NHSL3: variants seen among roughly 807,000 people sequenced by gnomAD.
The protein encoded by NHSL3 is NHS-like protein 3.
chr1:32,771,525 G>T, the NHSL3 span: 4 of 1,598,946 alleles, frequency 2.5e-6, no homozygotes, highest in Non-Finnish European at 3.4e-6. Flanking sequence ...AGCAGGACCT[G>T]TCCATGGCTG....
the NHSL3 span, chr1:32,771,220 A>G: frequency 1.1e-5 from 17 of 1,610,700 alleles, 1 homozygote; most frequent in South Asian, 1.9e-4. Flanking sequence ...CAGGAGCCCT[A>G]ACCCAGCTGC....
the NHSL3 span, among the ~76,000 whole-genome samples, chr1:32,753,209 G>T: frequency 6.6e-6 from 1 of 152,024 alleles, no homozygotes; most frequent in African/African-American, 2.4e-5. Flanking sequence ...AACAGGCCGG[G>T]TGGTGTGGCT....
At chr1:32,769,473 T>C in the NHSL3 span, among the ~76,000 whole-genome samples, 1 of 152,172 alleles carries the variant, frequency 6.6e-6, no homozygotes, top group Non-Finnish European at 1.5e-5. Flanking sequence ...AAGCTATCAC[T>C]AAAGGGAAAT....
chr1:32,755,396 C>T, the NHSL3 span, among the ~76,000 whole-genome samples: 11 of 152,268 alleles, frequency 7.2e-5, no homozygotes, highest in Non-Finnish European at 1.3e-4. Context: ...CTAGAGATTC[C>T]GAACCGGAGC....
chr1:32,771,408 C>A, the NHSL3 span: 1 of 1,588,592 alleles, frequency 6.3e-7, no homozygotes, highest in Non-Finnish European at 8.6e-7. Context: ...CCCCACCACC[C>A]ACTAAGAAGC....
the NHSL3 span, among the ~76,000 whole-genome samples, chr1:32,745,609 C>G: frequency 6.6e-6 from 1 of 151,146 alleles, no homozygotes; most frequent in African/African-American, 2.4e-5. Context: ...GTCTGCCCCT[C>G]TCAAGCTACA....
At chr1:32,767,891 C>T in the NHSL3 span, 2 of 1,614,054 alleles carry the variant, frequency 1.2e-6, no homozygotes, top group Non-Finnish European at 1.7e-6. Context: ...TCCCAGTGGG[C>T]GACCCCCCCA....
At chr1:32,756,632 G>A in the NHSL3 span, among the ~76,000 whole-genome samples, 2 of 139,184 alleles carry the variant, frequency 1.4e-5, no homozygotes, top group African/African-American at 5.4e-5. Context: ...ACTCCAGTCT[G>A]GGTGACAGAG....
At chr1:32,768,712 G>A in the NHSL3 span, 314 of 1,614,152 alleles carry the variant, frequency 1.9e-4, 7 homozygotes, top group South Asian at 3.1e-3. Context: ...CACATCCTAC[G>A]TGGCTGAGAG....
the NHSL3 span, among the ~76,000 whole-genome samples, chr1:32,764,639 T>A: frequency 6.6e-6 from 1 of 152,090 alleles, no homozygotes; most frequent in African/African-American, 2.4e-5. Flanking sequence ...AGCTAATTTT[T>A]AATTTTAATT....
the NHSL3 span, among the ~76,000 whole-genome samples, chr1:32,742,952 G>A: frequency 1.3e-5 from 2 of 152,234 alleles, no homozygotes; most frequent in Non-Finnish European, 2.9e-5. Context: ...AAATTCAACA[G>A]CTAATTCTCA....
chr1:32,763,504 TACCTGCCCTG>T, the NHSL3 span, among the ~76,000 whole-genome samples: 1 of 152,324 alleles, frequency 6.6e-6, no homozygotes, highest in African/African-American at 2.4e-5. Flanking sequence ...CTTCCCCAGG[TACCTGCCCTG>T]ACTGGCTCCT....
At chr1:32,768,620 A>G in the NHSL3 span, 6 of 1,611,002 alleles carry the variant, frequency 3.7e-6, no homozygotes, top group South Asian at 5.5e-5. Flanking sequence ...TTGAGGAGAC[A>G]GCCCCACCCA....
At chr1:32,747,886 A>T in the NHSL3 span, among the ~76,000 whole-genome samples, 205 of 152,240 alleles carry the variant, frequency 1.3e-3, no homozygotes, top group African/African-American at 4.6e-3. Flanking sequence ...GCGGGAGGGG[A>T]TCACCTGAGG....
chr1:32,760,617 G>A, the NHSL3 span, among the ~76,000 whole-genome samples: 1 of 149,350 alleles, frequency 6.7e-6, no homozygotes, highest in African/African-American at 2.5e-5. Flanking sequence ...TTGAGACCGA[G>A]TGTCACTCTG....
chr1:32,767,995 C>T, the NHSL3 span: 2 of 1,612,192 alleles, frequency 1.2e-6, no homozygotes, highest in Non-Finnish European at 1.7e-6. Flanking sequence ...TCTCCTCCCT[C>T]CAGTGCTGCA....
the NHSL3 span, chr1:32,767,953 C>T: frequency 1.2e-6 from 2 of 1,613,304 alleles, no homozygotes; most frequent in Non-Finnish European, 1.7e-6. Context: ...CCCTACAACA[C>T]CAAGGTAAGC....
chr1:32,768,656 C>T, the NHSL3 span: 1 of 1,614,122 alleles, frequency 6.2e-7, no homozygotes, highest in Non-Finnish European at 8.5e-7. Flanking sequence ...TGATAGTCCT[C>T]CCGGACGGGG....
At chr1:32,765,419 C>T in the NHSL3 span, among the ~76,000 whole-genome samples, 7 of 152,352 alleles carry the variant, frequency 4.6e-5, no homozygotes, top group African/African-American at 1.7e-4. Context: ...CCTGCCTTAA[C>T]TCTGGACTTG....
Sources: gnomAD v4.1 joint callset for allele counts (sites outside exome capture counted in the v4.1 genomes callset) on GRCh38, gnomAD v4.1.1 for gene constraint, MANE v1.5 for transcripts, NCBI Gene and HGNC (gene_info 2026-07-23, HGNC 2026-07-21) for gene names.